The following TCF12 variants were observed in gnomAD, a reference collection of about 807,000 sequenced individuals.
TCF12 encodes transcription factor 12.
In TCF12, 45 loss-of-function variants were observed where a neutral mutation model predicts 86.0. That is an observed-to-expected ratio of 0.52 (90% confidence interval 0.41 to 0.67). TCF12 has a LOEUF of 0.67. Ranked by LOEUF, TCF12 falls within the 30% of genes least tolerant of loss-of-function variation. The pLI, the probability that TCF12 is intolerant of heterozygous loss-of-function variation, is 0.00. For missense variants in TCF12, 881 were observed against 859.9 expected (o/e 1.02, Z -0.31); for synonymous variants, 330 against 299.6 (o/e 1.10, Z -1.05).
In TCF12 at chr15:57,133,894, T is replaced by A. The variant is rs531241416; in HGVS notation, c.326-32508T>A. 5.3e-5 allele frequency among the ~76,000 whole-genome samples: 8 copies of A among 152,324 alleles called. No homozygotes were observed. The East Asian group carries it at 1.5e-3, about 29-fold the overall frequency. On this transcript the variant is annotated intron_variant, in intron 5 of 20. Transcript: ENST00000333725. The stretch of plus-strand genomic sequence containing the variant: ...TTTCTGTATTTCTAATTTGTGCAAG[T>A]TTAAAGCAAAATCTGTTCTTTTTTG...
rs550339595 is a variant in TCF12, at chr15:57,132,121, G to A, written c.326-34281G>A. Among the ~76,000 whole-genome samples, 16 of 152,144 alleles carry A rather than the reference G, an allele frequency of 1.1e-4. No homozygotes were observed. In the South Asian group the frequency reaches 2.5e-3, roughly 24 times the overall value. On this transcript the variant is annotated intron_variant, in intron 5 of 20. Transcript: ENST00000333725. ...AGCTAAAATTGTGCCACTACACTCC[G>A]GTTTGGGTGACAGAGCAAGCCCCCT... is the stretch of plus-strand genomic sequence containing the variant.
At chr15:57,232,641 T>C in intron 10 of TCF12, 71 bp from the exon 11 acceptor site, 4 of 1,520,506 alleles carry the variant, frequency 2.6e-6, no homozygotes, top group Admixed American at 2.0e-5. Context: ...TGACCTGTTA[T>C]CATAGTTGTC....
chr15:57,247,473 C>A, intron 13 of TCF12: 1 of 730,766 alleles, frequency 1.4e-6, no homozygotes, highest in South Asian at 1.4e-5. Context: ...CAGTTATGCC[C>A]ATTAATAGTG....
intron 5 of TCF12, among the ~76,000 whole-genome samples, chr15:57,109,635 A>G (rs772920090): frequency 1.3e-5 from 2 of 152,178 alleles, no homozygotes; most frequent in East Asian, 1.9e-4. Flanking sequence ...ATCTTAACCT[A>G]TTGTTGCGTA....
chr15:57,250,488 T>C (rs2060057274), intron 13 of TCF12, among the ~76,000 whole-genome samples: 1 of 152,136 alleles, frequency 6.6e-6, no homozygotes, highest in Admixed American at 6.5e-5. Context: ...CACCACTTTG[T>C]GAGGCTGAGG....
chr15:57,244,989 G>A (rs1284806523), intron 13 of TCF12, among the ~76,000 whole-genome samples: 4 of 152,160 alleles, frequency 2.6e-5, no homozygotes, highest in Non-Finnish European at 5.9e-5. Context: ...AAGCCTTGCT[G>A]AAGAAAAAAT....
chr15:56,954,225 A>T (rs1165294685), intron 3 of TCF12, among the ~76,000 whole-genome samples: 1 of 152,052 alleles, frequency 6.6e-6, no homozygotes, highest in African/African-American at 2.4e-5. Flanking sequence ...CTTTCTAGAG[A>T]TATTTCTCTT....
At chr15:57,052,161 A>T (rs1253123765) in intron 3 of TCF12, among the ~76,000 whole-genome samples, 1 of 152,198 alleles carries the variant, frequency 6.6e-6, no homozygotes, top group African/African-American at 2.4e-5. Context: ...CATATAACAA[A>T]TTTGTATGAA....
chr15:57,087,237 C>T (rs150186303), intron 4 of TCF12, among the ~76,000 whole-genome samples: 2 of 151,812 alleles, frequency 1.3e-5, no homozygotes, highest in Non-Finnish European at 2.9e-5. Flanking sequence ...ACATAGGAGA[C>T]CCCATCTCGA....
chr15:57,043,708 T>TG (rs1250695149), intron 3 of TCF12, among the ~76,000 whole-genome samples: 1 of 152,216 alleles, frequency 6.6e-6, no homozygotes, highest in Non-Finnish European at 1.5e-5. Flanking sequence ...GAAGTCTTTG[T>TG]GATTGTGTTT....
chr15:57,052,984 A>G (rs2067746096), intron 3 of TCF12, among the ~76,000 whole-genome samples: 3 of 152,046 alleles, frequency 2.0e-5, no homozygotes, highest in African/African-American at 7.2e-5. Flanking sequence ...TAGTAGTGGG[A>G]TTGCTGGGTC....
chr15:56,961,063 C>T (rs1347637176), intron 3 of TCF12, among the ~76,000 whole-genome samples: 3 of 150,156 alleles, frequency 2.0e-5, no homozygotes, highest in African/African-American at 4.9e-5. Flanking sequence ...TTGCTTGAAC[C>T]TGGGAGGCAG....
Position 56,946,798 on chromosome 15 carries a change from C to CCTTTTTTTTTTTTTTT in TCF12, c.148+25700_148+25701insCTTTTTTTTTTTTTTT. On this transcript the variant is annotated intron_variant, in intron 3 of 20. Coordinates refer to ENST00000333725, the MANE Select transcript of TCF12 (RefSeq NM_207037.2). ...GCTTTTGTGAGTGAGTCTAAAGTAC[C>CCTTTTTTTTTTTTTTT]TTTTTTTTTTTTTTTTTTTTGAGAC... Among the ~76,000 whole-genome samples the CCTTTTTTTTTTTTTTT allele has an allele frequency of 1.8e-5, 2 of 113,544 alleles. 1 individual carries two copies. The allele number at this position is 113,544 out of a possible 152,430, so 74.5% of individuals were successfully genotyped here. A position where few individuals can be genotyped will look rare whatever the true frequency, so the allele number is the denominator to read the frequency against.
intron 3 of TCF12, among the ~76,000 whole-genome samples, chr15:57,027,098 A>G (rs960093119): frequency 6.6e-6 from 1 of 152,160 alleles, no homozygotes; most frequent in African/African-American, 2.4e-5. Context: ...GACTGTATAT[A>G]CAATAAAACA....
At chr15:57,074,805 A>G (rs1478550406) in intron 4 of TCF12, among the ~76,000 whole-genome samples, 1 of 152,248 alleles carries the variant, frequency 6.6e-6, no homozygotes, top group Non-Finnish European at 1.5e-5. Context: ...AGATTAATAC[A>G]TTCTAGGAAA....
At chr15:56,940,523 T>C (rs573337051) in intron 3 of TCF12, among the ~76,000 whole-genome samples, 2,642 of 146,876 alleles carry the variant, frequency 0.018, 94 homozygotes, top group African/African-American at 0.065. Flanking sequence ...TCCTCCTCCT[T>C]CTTCTTCTCC....
At chr15:56,973,512 G>A (rs2062445611) in intron 3 of TCF12, among the ~76,000 whole-genome samples, 1 of 152,070 alleles carries the variant, frequency 6.6e-6, no homozygotes, top group Non-Finnish European at 1.5e-5. Context: ...AATAGATGAA[G>A]AGGGCAATGT....
At chr15:56,961,981 A>T (rs1011382435) in intron 3 of TCF12, among the ~76,000 whole-genome samples, 1 of 151,940 alleles carries the variant, frequency 6.6e-6, no homozygotes, top group Non-Finnish European at 1.5e-5. Flanking sequence ...ATTAAAAAAA[A>T]ATTAGCCGGG....
intron 7 of TCF12, 86 bp from the exon 8 acceptor site, chr15:57,197,687 T>C (rs1380415874): frequency 6.7e-7 from 1 of 1,485,394 alleles, no homozygotes; most frequent in African/African-American, 1.4e-5. Flanking sequence ...AGAAAGACGC[T>C]AGGGGAAAAG....
Sources: allele counts gnomAD v4.1 joint callset (sites outside exome capture counted in the v4.1 genomes callset), GRCh38; gene constraint gnomAD v4.1.1; transcripts MANE v1.5; gene names NCBI Gene and HGNC (gene_info 2026-07-23, HGNC 2026-07-21).